The following FARP2 variants were observed in gnomAD, a reference collection of about 807,000 sequenced individuals.
FARP2 encodes the protein FERM, ARHGEF and pleckstrin domain-containing protein 2.
FARP2 carries 111 observed loss-of-function variants against 130.5 expected under a neutral mutation model. The observed-to-expected ratio is 0.85, with a 90% CI of 0.73 to 1.00. The LOEUF (loss-of-function observed/expected upper bound fraction) is 1.00, where lower values mean the gene tolerates loss of function less well. Ranked by LOEUF, FARP2 falls within the 50% of genes least tolerant of loss-of-function variation. The pLI is 0.00. For synonymous variants in FARP2, 504 were observed against 516.9 expected (o/e 0.98, Z 0.34); for missense variants, 1,385 against 1,346.3 (o/e 1.03, Z -0.45).
intron 8 of FARP2, among the ~76,000 whole-genome samples, chr2:241,425,175 C>G (rs1227525344): frequency 2.0e-5 from 3 of 152,046 alleles, no homozygotes; most frequent in Non-Finnish European, 4.4e-5. Flanking sequence ...CCACTATACT[C>G]CAGTCTGGGC....
intron 2 of FARP2, among the ~76,000 whole-genome samples, chr2:241,401,304 A>G (rs1208760626): frequency 6.6e-6 from 1 of 152,172 alleles, no homozygotes; most frequent in Admixed American, 6.5e-5. Context: ...ATATATGCCT[A>G]TTGGTTAAAA....
At chr2:241,373,031 T>C in intron 1 of FARP2, 53 bp from the exon 2 acceptor site, 10 of 1,009,986 alleles carry the variant, frequency 9.9e-6, no homozygotes, top group Non-Finnish European at 1.3e-5. Flanking sequence ...CTTGTTTTAG[T>C]ACCTAAATAA....
chr2:241,471,737 C>T (rs954355196), intron 18 of FARP2, among the ~76,000 whole-genome samples: 22 of 151,962 alleles, frequency 1.4e-4, no homozygotes, highest in African/African-American at 5.3e-4. Context: ...CCTCGTGATC[C>T]GCCCGCCTCA....
chr2:241,377,486 C>T (rs942827316), intron 2 of FARP2, among the ~76,000 whole-genome samples: 3 of 152,034 alleles, frequency 2.0e-5, no homozygotes, highest in Admixed American at 6.6e-5. Flanking sequence ...GGACTATAGG[C>T]GCCCGCCACC....
In FARP2 at chr2:241,494,026, G is replaced by C; in HGVS notation, c.3066G>C (p.Gln1022His). The C allele has an allele frequency of 7.2e-7, 1 of 1,396,006 alleles. No homozygotes were observed. The highest frequency in any genetic ancestry group is 1.5e-5 in the African/African-American group (1 of 67,026). The allele number at this position is 1,396,006 out of a possible 1,614,324, so 86.5% of individuals were successfully genotyped here. A position where few individuals can be genotyped will look rare whatever the true frequency, so the allele number is the denominator to read the frequency against. Residue 1022 changes from glutamine (Q) to histidine (H), a missense_variant, in exon 27 of 27, where the codon CAG becomes CAC. Physicochemically the swap from Gln to His is conservative, Grantham distance 24 (BLOSUM62 0). Transcript: ENST00000264042. The surrounding 1 kb of genome is among the most constrained non-coding windows in gnomAD (Gnocchi z 4.9). ...YTFERWMEVI[Q>H]GASSSAGRAP... is the part of the protein sequence containing the mutation. ...CCTCCAGGTGGATGGAGGTGATCCAGGGGGCCAGCAGCTCAGCCGGGAGGG... is the reference window on the plus strand; with the variant it reads ...CCTCCAGGTGGATGGAGGTGATCCACGGGGCCAGCAGCTCAGCCGGGAGGG...
chr2:241,385,533 G>A (rs562701347), intron 2 of FARP2, among the ~76,000 whole-genome samples: 2 of 152,044 alleles, frequency 1.3e-5, no homozygotes, highest in Non-Finnish European at 2.9e-5. Context: ...ACAATTCTGG[G>A]CAACATAGCG....
At position 241,404,830 on chromosome 2, in the gene FARP2, G is replaced by A; in HGVS notation, c.320G>A (p.Arg107Lys). ...IWLEPMKPIIRQIRRPKNVVL... is the reference protein window; with the variant it reads ...IWLEPMKPIIKQIRRPKNVVL... ...CTTGAACCTATGAAACCCATCATTAGGCAAATACGAAGTAAGTCCTTGGTT... is the reference window on the plus strand; with the variant it reads ...CTTGAACCTATGAAACCCATCATTAAGCAAATACGAAGTAAGTCCTTGGTT... The change falls in exon 4 of 27, where the codon AGG (arginine) becomes AAG (lysine). Residue 107 changes from arginine to lysine, a missense_variant. By Grantham distance (26) the Arg-to-Lys change is conservative. Transcript: ENST00000264042. 6.2e-7 allele frequency: 1 copy of A among 1,609,466 alleles called. No homozygotes were observed. Among genetic ancestry groups the A allele is most frequent in the Non-Finnish European group, 8.5e-7 (1 of 1,176,066 alleles).
intron 12 of FARP2, among the ~76,000 whole-genome samples, chr2:241,438,604 CCTT>C (rs998480610): frequency 2.6e-5 from 4 of 151,396 alleles, no homozygotes; most frequent in Non-Finnish European, 4.4e-5. Context: ...TACATGAAAA[CCTT>C]CTTAAACTCT....
chr2:241,465,713 A>C (rs1321557122), intron 17 of FARP2: 2 of 1,550,670 alleles, frequency 1.3e-6, no homozygotes, highest in African/African-American at 1.4e-5. Flanking sequence ...CAAGGTGTGG[A>C]GCTCTGCATA....
intron 25 of FARP2, 35 bp from the exon 26 acceptor site, chr2:241,493,258 G>C (rs2064996640): frequency 6.2e-7 from 1 of 1,606,874 alleles, no homozygotes; most frequent in Non-Finnish European, 8.5e-7. Context: ...TGGCAACCCA[G>C]CCCCTGGAAC....
At chr2:241,389,220 G>A (rs1025589208) in intron 2 of FARP2, among the ~76,000 whole-genome samples, 3 of 151,940 alleles carry the variant, frequency 2.0e-5, no homozygotes, top group Non-Finnish European at 4.4e-5. Context: ...GGCAGAGGCT[G>A]CAGTGAGCCA....
chr2:241,461,465 T>C (rs2064015327), intron 14 of FARP2, among the ~76,000 whole-genome samples: 1 of 152,122 alleles, frequency 6.6e-6, no homozygotes, highest in Admixed American at 6.5e-5. Context: ...CCCTCTGACC[T>C]CCCCACATTG....
intron 18 of FARP2, among the ~76,000 whole-genome samples, chr2:241,474,163 G>A (rs1004735606): frequency 2.0e-5 from 3 of 151,334 alleles, no homozygotes; most frequent in African/African-American, 7.3e-5. Context: ...AAAATTAGCC[G>A]GGCGTGGTGG....
At chr2:241,393,630 A>G (rs1255649080) in intron 2 of FARP2, among the ~76,000 whole-genome samples, 1 of 152,224 alleles carries the variant, frequency 6.6e-6, no homozygotes, top group Non-Finnish European at 1.5e-5. Flanking sequence ...TAGAGGAGTT[A>G]TAATTTGGCA....
rs184120076 is a variant in FARP2, at chr2:241,397,120, T to C, written c.184-6708T>C. On this transcript the variant is annotated intron_variant, in intron 2 of 26. Transcript: ENST00000264042. ...AACACCGCATGTTCTCACTCATAGATGGGAATTGAACAGTGAGAACACGTG... is the reference window on the plus strand; with the variant it reads ...AACACCGCATGTTCTCACTCATAGACGGGAATTGAACAGTGAGAACACGTG... Among the ~76,000 whole-genome samples the C allele has an allele frequency of 3.5e-3, 530 of 152,106 alleles. 2 individuals carry two copies. The highest frequency in any genetic ancestry group is 0.012 in the African/African-American group (506 of 41,488).
chr2:241,444,638 C>T (rs956957729), intron 13 of FARP2: 2 of 152,138 alleles, frequency 1.3e-5, no homozygotes, highest in African/African-American at 4.8e-5. Context: ...GCCCCTACCC[C>T]AGCAGAGGTA....
In FARP2 at chr2:241,475,050, A is replaced by G. The variant is rs1375482690; in HGVS notation, c.2132-807A>G. On this transcript the variant is annotated intron_variant, in intron 18 of 26. Transcript: ENST00000264042. The surrounding 1 kb of genome is among the most constrained non-coding windows in gnomAD (Gnocchi z 4.4). ...ATAAACTTTCTCTTATCTTTGCTTG[A>G]ACTATAAGATTAGCATCTGTTCCTG... Among the ~76,000 whole-genome samples the G allele has an allele frequency of 6.6e-6, 1 of 152,186 alleles. No individual in the cohort carries two copies. The highest frequency in any genetic ancestry group is 2.4e-5 in the African/African-American group (1 of 41,450).
intron 2 of FARP2, among the ~76,000 whole-genome samples, chr2:241,391,848 A>G (rs1463078704): frequency 5.9e-5 from 9 of 152,204 alleles, no homozygotes; most frequent in Admixed American, 5.9e-4. Context: ...AATACCATTG[A>G]ATCGTTCAAG....
At chr2:241,451,676 T>C (rs144882045) in intron 13 of FARP2, among the ~76,000 whole-genome samples, 37 of 152,318 alleles carry the variant, frequency 2.4e-4, no homozygotes, top group African/African-American at 8.2e-4. Context: ...CTAAGATTAA[T>C]TATTTACCAT....
Sources: allele counts gnomAD v4.1 joint callset (sites outside exome capture counted in the v4.1 genomes callset), GRCh38; gene constraint gnomAD v4.1.1; non-coding constraint Gnocchi (gnomAD v3.1); transcripts MANE v1.5; gene names NCBI Gene and HGNC (gene_info 2026-07-23, HGNC 2026-07-21).